The following TOP6BL variants were observed in gnomAD, a reference collection of about 807,000 sequenced individuals.
The protein encoded by TOP6BL is TOP6B like initiator of meiotic double strand breaks.
the TOP6BL span, among the ~76,000 whole-genome samples, chr11:66,813,277 G>A: frequency 6.6e-6 from 1 of 152,050 alleles, no homozygotes; most frequent in Non-Finnish European, 1.5e-5. Context: ...GTTAACCTGT[G>A]GTGCCTTTCA....
the TOP6BL span, among the ~76,000 whole-genome samples, chr11:66,796,757 T>C: frequency 1.4e-5 from 2 of 144,030 alleles, no homozygotes; most frequent in Non-Finnish European, 3.0e-5. Context: ...CCCTCCAGCC[T>C]AGGTGACAGA....
chr11:66,823,665 C>T, the TOP6BL span, among the ~76,000 whole-genome samples: 1 of 151,724 alleles, frequency 6.6e-6, no homozygotes, highest in Admixed American at 6.6e-5. Context: ...ACTAAAAATA[C>T]AAAAATCAGC....
chr11:66,802,501 T>C, the TOP6BL span, among the ~76,000 whole-genome samples: 1 of 152,180 alleles, frequency 6.6e-6, no homozygotes, highest in Non-Finnish European at 1.5e-5. Flanking sequence ...GATGAGGTTG[T>C]TGCCTAGGCT....
the TOP6BL span, chr11:66,796,140 C>T: frequency 4.9e-6 from 3 of 615,766 alleles, no homozygotes; most frequent in African/African-American, 1.8e-5. Flanking sequence ...ATACAATTCT[C>T]ATTCCCAAAG....
the TOP6BL span, among the ~76,000 whole-genome samples, chr11:66,841,067 A>G: frequency 2.2e-4 from 33 of 147,378 alleles, no homozygotes; most frequent in African/African-American, 7.3e-4. Context: ...GATTAATCCA[A>G]TTTATCACAT....
the TOP6BL span, among the ~76,000 whole-genome samples, chr11:66,751,993 G>A: frequency 6.6e-6 from 1 of 152,016 alleles, no homozygotes; most frequent in Non-Finnish European, 1.5e-5. Flanking sequence ...CTCTTTTCCA[G>A]TGTATCCTGA....
the TOP6BL span, among the ~76,000 whole-genome samples, chr11:66,749,881 G>A: frequency 6.6e-6 from 1 of 152,066 alleles, no homozygotes; most frequent in African/African-American, 2.4e-5. Flanking sequence ...CCCAGCCTAT[G>A]TTTATATATT....
chr11:66,798,952 A>T, the TOP6BL span, among the ~76,000 whole-genome samples: 2 of 152,124 alleles, frequency 1.3e-5, no homozygotes, highest in Non-Finnish European at 2.9e-5. Flanking sequence ...CACGCCTGTA[A>T]TCCCGGCACT....
chr11:66,746,150 TAG>T, the TOP6BL span, among the ~76,000 whole-genome samples: 1 of 152,154 alleles, frequency 6.6e-6, no homozygotes, highest in Non-Finnish European at 1.5e-5. Context: ...AAGGAATAGT[TAG>T]ACTCTACACG....
the TOP6BL span, among the ~76,000 whole-genome samples, chr11:66,773,025 A>G: frequency 6.6e-6 from 1 of 152,120 alleles, no homozygotes; most frequent in African/African-American, 2.4e-5. Flanking sequence ...TTTCCTTCCT[A>G]GGAAATATTT....
At chr11:66,761,406 GA>G in the TOP6BL span, among the ~76,000 whole-genome samples, 1 of 151,880 alleles carries the variant, frequency 6.6e-6, no homozygotes, top group African/African-American at 2.4e-5. Flanking sequence ...AAGGAAAAAA[GA>G]AAAAAATGAT....
the TOP6BL span, chr11:66,842,816 AAAGT>A: frequency 1.3e-6 from 2 of 1,526,046 alleles, no homozygotes; most frequent in Admixed American, 2.1e-5. Context: ...CAGGGCCATG[AAAGT>A]AAGATGAAGA....
chr11:66,749,414 G>C, the TOP6BL span, among the ~76,000 whole-genome samples: 5 of 152,050 alleles, frequency 3.3e-5, no homozygotes, highest in Non-Finnish European at 7.4e-5. Flanking sequence ...TAGCAAGGTT[G>C]ATTTAATTCA....
At chr11:66,834,280 T>C in the TOP6BL span, among the ~76,000 whole-genome samples, 1 of 152,196 alleles carries the variant, frequency 6.6e-6, no homozygotes, top group Non-Finnish European at 1.5e-5. Context: ...CTCCCGGCTC[T>C]GAAACCTGGT....
At chr11:66,774,688 G>A in the TOP6BL span, among the ~76,000 whole-genome samples, 1 of 152,020 alleles carries the variant, frequency 6.6e-6, no homozygotes, top group Admixed American at 6.5e-5. Flanking sequence ...AGCCAGGATG[G>A]TCTCGATCTC....
chr11:66,796,858 T>C, the TOP6BL span, among the ~76,000 whole-genome samples: 1 of 150,462 alleles, frequency 6.6e-6, no homozygotes, highest in African/African-American at 2.4e-5. Flanking sequence ...CTTAAGACAG[T>C]TGTTTTTTTT....
the TOP6BL span, chr11:66,801,113 A>G: frequency 3.1e-6 from 5 of 1,610,088 alleles, no homozygotes; most frequent in Non-Finnish European, 4.3e-6. Flanking sequence ...GTGAAGGCGT[A>G]AAGCCTTGTT....
At chr11:66,779,437 A>C in the TOP6BL span, among the ~76,000 whole-genome samples, 1 of 152,254 alleles carries the variant, frequency 6.6e-6, no homozygotes, top group African/African-American at 2.4e-5. Flanking sequence ...GCCATCAGAG[A>C]AATGCAAATC....
At chr11:66,831,121 A>C in the TOP6BL span, among the ~76,000 whole-genome samples, 1 of 152,266 alleles carries the variant, frequency 6.6e-6, no homozygotes, top group African/African-American at 2.4e-5. Context: ...CATGTTAACA[A>C]GCATGTGGAA....
Sources: gnomAD v4.1 joint callset for allele counts (sites outside exome capture counted in the v4.1 genomes callset) on GRCh38, gnomAD v4.1.1 for gene constraint, MANE v1.5 for transcripts, NCBI Gene and HGNC (gene_info 2026-07-23, HGNC 2026-07-21) for gene names.